The following OASL variants were observed in gnomAD, a reference collection of about 807,000 sequenced individuals.
OASL encodes the protein 2'-5'-oligoadenylate synthetase like.
In OASL, 28 loss-of-function variants were observed where a neutral mutation model predicts 35.3. That is an observed-to-expected ratio of 0.79 (90% CI 0.59 to 1.09). The LOEUF is 1.09. Among genes scored for constraint, OASL ranks in the 50% least tolerant of loss-of-function variants. The probability of loss-of-function intolerance (pLI) is 0.00; values close to 1 mark genes in which losing one functional copy is unlikely to be tolerated. For synonymous variants in OASL, 252 were observed against 254.6 expected, an observed-to-expected ratio of 0.99 and a Z score of 0.10; for missense variants, 620 against 635.2, an observed-to-expected ratio of 0.98 and a Z score of 0.26.
chr12:121,032,759 C>T (rs1016707001), intron 2 of OASL, among the ~76,000 whole-genome samples: 1 of 152,066 alleles, frequency 6.6e-6, no homozygotes, highest in Non-Finnish European at 1.5e-5. Context: ...GTGACAGACC[C>T]CCACTCCCAC....
At position 121,027,749 on chromosome 12, in the gene OASL, A is replaced by G. The variant is rs775442247; in HGVS notation, c.726T>C (p.Tyr242=). ...CTTCTTCAGTACCCATTTCCCAGGC[A>G]TAGATGGTTAGAAGTTCAAGAGCAT... The change falls in exon 4 of 6, where the codon TAT becomes TAC. Residue 242 remains tyrosine (Y), a synonymous_variant. Transcript: ENST00000257570. 69 of 1,614,056 alleles carry G rather than the reference A, an allele frequency of 4.3e-5. No homozygotes were observed. In the South Asian group the frequency reaches 5.0e-4, roughly 12 times the overall value.
In OASL at chr12:121,038,757, G is replaced by A. The variant is rs1363474631; in HGVS notation, c.198+17C>T. The A allele has an allele frequency of 3.1e-6, 5 of 1,612,974 alleles. No individual in the cohort carries two copies. Among genetic ancestry groups the A allele is most frequent in the Non-Finnish European group, 2.5e-6 (3 of 1,179,126 alleles). On this transcript the variant is annotated intron_variant, in intron 1 of 5. Coordinates refer to ENST00000257570, the Ensembl canonical transcript of OASL. ...TGGGTTTTGTCTTGCGTGGGGGCTG[G>A]AGGAGCCCAGTCTTACCTTGACTAC...
At chr12:121,022,337 G>A (rs905762226) in intron 5 of OASL, among the ~76,000 whole-genome samples, 8 of 151,956 alleles carry the variant, frequency 5.3e-5, no homozygotes, top group African/African-American at 1.7e-4. Context: ...TGCCCACCTC[G>A]GCCTCCCAAA....
intron 5 of OASL, among the ~76,000 whole-genome samples, chr12:121,022,012 C>T (rs936018766): frequency 6.6e-5 from 10 of 151,826 alleles, no homozygotes; most frequent in East Asian, 3.9e-4. Context: ...CAAGCTGAAG[C>T]GATCCTCCCG....
intron 1 of OASL, among the ~76,000 whole-genome samples, chr12:121,036,458 G>A (rs1233441164): frequency 6.6e-6 from 1 of 152,128 alleles, no homozygotes; most frequent in East Asian, 1.9e-4. Flanking sequence ...GGAAGTATTT[G>A]AGGCTTAGGT....
chr12:121,033,860 T>C, intron 1 of OASL, 117 bp from the exon 2 acceptor site: 1 of 1,067,914 alleles, frequency 9.4e-7, no homozygotes, highest in Non-Finnish European at 1.4e-6. Flanking sequence ...GGATGGGTTG[T>C]GGGTAGTACT....
At chr12:121,026,252 TA>T (rs1869479061) in intron 4 of OASL, among the ~76,000 whole-genome samples, 1 of 152,168 alleles carries the variant, frequency 6.6e-6, no homozygotes, top group Non-Finnish European at 1.5e-5. Flanking sequence ...ATGGTTATAA[TA>T]AATCCTCTTT....
Position 121,023,293 on chromosome 12 carries a change from T to TC in OASL, c.1047+696_1047+697insG, listed in dbSNP as rs1228366223. On this transcript the variant is annotated intron_variant, in intron 5 of 5. Transcript: ENST00000257570. Reference sequence around the variant, plus strand: ...GGTGGTGTCTTTTTTTTTTCTTTTTTTCTTTTTTTTTTGAGGCAGAGTTTC... The same window carrying TC: ...GGTGGTGTCTTTTTTTTTTCTTTTTTCTCTTTTTTTTTTGAGGCAGAGTTTC... Among the ~76,000 whole-genome samples, 371 of 135,170 alleles carry TC rather than the reference T, an allele frequency of 2.7e-3. 9 individuals are homozygous for TC. Among genetic ancestry groups the TC allele is most frequent in the African/African-American group, 8.8e-3 (346 of 39,420 alleles). 88.7% of individuals were successfully genotyped at this position (135,170 alleles called of 152,430 possible). A position where few individuals can be genotyped will look rare whatever the true frequency, so the allele number is the denominator to read the frequency against.
At chr12:121,017,876 C>G (rs1415094869), downstream of OASL, among the ~76,000 whole-genome samples, 1 of 152,216 alleles carries the variant, frequency 6.6e-6, no homozygotes, top group Non-Finnish European at 1.5e-5. Flanking sequence ...AAGACAAAGT[C>G]CACATAAGCT....
Position 121,031,581 on chromosome 12 carries a change from A to G in OASL, c.518T>C (p.Val173Ala), listed in dbSNP as rs1388262427. 3 of 1,613,798 alleles carry G rather than the reference A, an allele frequency of 1.9e-6. No homozygotes were observed. The African/African-American group carries it at 4.0e-5, about 22-fold the overall frequency. Residue 173 changes from valine to alanine, a missense_variant, in exon 3 of 6, where the codon GTC (valine) becomes GCC (alanine). Val to Ala is a moderately conservative substitution (Grantham distance 64). Transcript: ENST00000257570. Reference sequence around the variant, plus strand: ...GCAGGCCTTGATCAGGCTCACATAGACCTCAGGGGGTGGCTGGGAGTTGGG... The same window carrying G: ...GCAGGCCTTGATCAGGCTCACATAGGCCTCAGGGGGTGGCTGGGAGTTGGG...
chr12:121,038,586 A>G (rs1242020210), intron 1 of OASL, among the ~76,000 whole-genome samples, 188 bp downstream of exon 1: 1 of 152,202 alleles, frequency 6.6e-6, no homozygotes, highest in Non-Finnish European at 1.5e-5. Context: ...GTGAGCTATT[A>G]TTACTAGACT....
intron 4 of OASL, among the ~76,000 whole-genome samples, chr12:121,026,006 T>C (rs1869468235): frequency 6.6e-6 from 1 of 152,130 alleles, no homozygotes. Context: ...TTCTGTTGGC[T>C]GGCAGGTGAC....
At chr12:121,019,406 T>G (rs1405765999) in exon 6 of OASL, 1 of 152,208 alleles carries the variant, frequency 6.6e-6, no homozygotes, top group Non-Finnish European at 1.5e-5. Flanking sequence ...AAAGGAAACT[T>G]TTTATTGCTT....
chr12:121,026,831 G>A (rs1592934435), intron 4 of OASL, among the ~76,000 whole-genome samples: 1 of 150,876 alleles, frequency 6.6e-6, no homozygotes, highest in East Asian at 1.9e-4. Context: ...CACCCTGGGT[G>A]ACAGAGCAAA....
intron 2 of OASL, among the ~76,000 whole-genome samples, chr12:121,032,197 AAT>A (rs55816712): frequency 6.6e-6 from 1 of 151,206 alleles, no homozygotes; most frequent in Non-Finnish European, 1.5e-5. Flanking sequence ...CGTCTCAAAA[AAT>A]ATATATATAT....
At chr12:121,028,636 C>T (rs114030996) in intron 3 of OASL, among the ~76,000 whole-genome samples, 5 of 145,478 alleles carry the variant, frequency 3.4e-5, no homozygotes, top group South Asian at 2.4e-4. Context: ...GCCCGCCCCC[C>T]CTACTGTTTA....
chr12:121,036,052 G>A (rs1869944218), intron 1 of OASL, among the ~76,000 whole-genome samples: 1 of 151,870 alleles, frequency 6.6e-6, no homozygotes, highest in African/African-American at 2.4e-5. Context: ...TGTAGAGTCG[G>A]GGGTCTCACC....
At chr12:121,022,909 C>T (rs1592931961) in intron 5 of OASL, among the ~76,000 whole-genome samples, 1 of 152,204 alleles carries the variant, frequency 6.6e-6, no homozygotes, top group East Asian at 1.9e-4. Context: ...GTTAATTAAC[C>T]TCTCTGAGCC....
At chr12:121,030,166 C>T (rs749590286) in intron 3 of OASL, among the ~76,000 whole-genome samples, 4 of 151,982 alleles carry the variant, frequency 2.6e-5, no homozygotes, top group Non-Finnish European at 5.9e-5. Flanking sequence ...TGAGCTACCA[C>T]ATTTGGCCGG....
Sources: allele counts gnomAD v4.1 joint callset (sites outside exome capture counted in the v4.1 genomes callset), GRCh38; gene constraint gnomAD v4.1.1; transcripts MANE v1.5; gene names NCBI Gene and HGNC (gene_info 2026-07-23, HGNC 2026-07-21).